Variants in TTC39B observed in about 807,000 individuals in gnomAD.
The protein encoded by TTC39B is tetratricopeptide repeat domain 39B, also known as tetratricopeptide repeat protein 39B.
A neutral mutation model predicts 96.6 loss-of-function variants in TTC39B; 92 were observed. The observed-to-expected ratio is 0.95, with a 90% CI of 0.80 to 1.13. TTC39B has a LOEUF of 1.13. TTC39B is among the 50% of genes most tolerant of loss of function. The pLI is 0.00. For synonymous variants in TTC39B, 367 were observed against 299.4 expected, an observed-to-expected ratio of 1.23 and a Z score of -2.33; for missense variants, 955 against 809.3, an observed-to-expected ratio of 1.18 and a Z score of -2.18.
intron 7 of TTC39B, 118 bp downstream of exon 7, chr9:15,203,705 T>C (rs1042931764): frequency 1.4e-6 from 1 of 732,684 alleles, no homozygotes; most frequent in African/African-American, 1.8e-5. Context: ...AACAAATATT[T>C]GCCATTACAA....
rs139146665 is a variant in TTC39B, at chr9:15,222,753, G to A, written c.371+3164C>T. 7.3e-3 allele frequency among the ~76,000 whole-genome samples: 1,110 copies of A among 152,208 alleles called. 9 individuals carry two copies. Among genetic ancestry groups the A allele is most frequent in the African/African-American group, 0.025 (1,050 of 41,520 alleles). ...GAAGTCTATGAAAGGTTTTCTCTCC[G>A]TTCCTTTAATTCTAAGGCCCTAGAC... On this transcript the variant is annotated intron_variant, in intron 3 of 19. Transcript: ENST00000512701.
At chr9:15,202,995 CT>C (rs1290658788) in intron 7 of TTC39B, among the ~76,000 whole-genome samples, 1 of 152,102 alleles carries the variant, frequency 6.6e-6, no homozygotes, top group East Asian at 1.9e-4. Context: ...AAAAACTGCT[CT>C]TCCAAAGGAA....
intron 1 of TTC39B, among the ~76,000 whole-genome samples, chr9:15,290,579 G>A (rs562974735): frequency 2.8e-4 from 42 of 152,208 alleles, no homozygotes; most frequent in Non-Finnish European, 4.8e-4. Flanking sequence ...AGAGACAAAT[G>A]CACGTTTGAC....
At chr9:15,218,989 A>G (rs373086107) in intron 3 of TTC39B, among the ~76,000 whole-genome samples, 3 of 152,208 alleles carry the variant, frequency 2.0e-5, no homozygotes, top group Non-Finnish European at 4.4e-5. Context: ...CAGGGAAATA[A>G]CTGGTGACTT....
chr9:15,198,709 T>C (rs958335693), intron 8 of TTC39B, among the ~76,000 whole-genome samples: 18 of 151,544 alleles, frequency 1.2e-4, no homozygotes, highest in Admixed American at 4.6e-4. Flanking sequence ...AGAGAACAGA[T>C]GAGGCAAAGA....
At chr9:15,284,651 T>C (rs1464444949) in intron 1 of TTC39B, among the ~76,000 whole-genome samples, 1 of 152,162 alleles carries the variant, frequency 6.6e-6, no homozygotes, top group Non-Finnish European at 1.5e-5. Context: ...GGATTTGCAT[T>C]TATTTAACAA....
intron 6 of TTC39B, 97 bp from the exon 7 acceptor site, chr9:15,203,987 G>C (rs924510452): frequency 1.0e-5 from 11 of 1,097,434 alleles, no homozygotes; most frequent in Middle Eastern, 2.9e-4. Context: ...ATGAACCCAA[G>C]AGAGACCCCA....
intron 1 of TTC39B, among the ~76,000 whole-genome samples, chr9:15,289,016 C>T (rs886276660): frequency 6.6e-6 from 1 of 152,224 alleles, no homozygotes; most frequent in Non-Finnish European, 1.5e-5. Flanking sequence ...TAATTACACG[C>T]TTTTAAAGTA....
intron 2 of TTC39B, among the ~76,000 whole-genome samples, chr9:15,232,022 T>G (rs1271943398): frequency 6.6e-6 from 1 of 151,992 alleles, no homozygotes; most frequent in East Asian, 1.9e-4. Flanking sequence ...AGCTCGTCAC[T>G]GTGATACTCA....
intron 14 of TTC39B, 150 bp from the exon 15 acceptor site, chr9:15,187,185 A>T (rs903889505): frequency 1.8e-6 from 1 of 554,166 alleles, no homozygotes; most frequent in African/African-American, 1.9e-5. Context: ...TCCCTGTTCA[A>T]AATGACAACA....
At chr9:15,168,431 A>AAAAAAC (rs1554758975) in exon 20 of TTC39B, 1 of 151,710 alleles carries the variant, frequency 6.6e-6, no homozygotes, top group Non-Finnish European at 1.5e-5. Flanking sequence ...AAAAAAAAAA[A>AAAAAAC]CAGAAATGGA....
chr9:15,221,457 CA>C (rs765504684), intron 3 of TTC39B, among the ~76,000 whole-genome samples: 3 of 152,180 alleles, frequency 2.0e-5, no homozygotes, highest in Admixed American at 6.5e-5. Flanking sequence ...GTTCTTTCGA[CA>C]AGCCCTGTCC....
intron 2 of TTC39B, among the ~76,000 whole-genome samples, chr9:15,234,686 G>C (rs1263530865): frequency 2.0e-5 from 3 of 151,954 alleles, no homozygotes; most frequent in African/African-American, 7.3e-5. Context: ...TCTGTACTAA[G>C]AAAAATTCTT....
At position 15,233,527 on chromosome 9, in the gene TTC39B, C is replaced by T. The variant is rs1216117466; in HGVS notation, c.276-7515G>A. On this transcript the variant is annotated intron_variant, in intron 2 of 19. Coordinates refer to ENST00000512701, the Ensembl canonical transcript of TTC39B. The stretch of plus-strand genomic sequence containing the variant: ...CACGCCGCCACGCCTGACTGGTTTT[C>T]GTATTTTTTTGGTGGAGACGGGGTT... Among the ~76,000 whole-genome samples the T allele has an allele frequency of 5.3e-5, 8 of 150,382 alleles. No individual in the cohort carries two copies. In the South Asian group the frequency reaches 1.5e-3, roughly 28 times the overall value.
At chr9:15,295,124 A>G (rs1824326638) in intron 1 of TTC39B, among the ~76,000 whole-genome samples, 1 of 152,216 alleles carries the variant, frequency 6.6e-6, no homozygotes, top group South Asian at 2.1e-4. Flanking sequence ...ACAATACATT[A>G]CAAACAAACT....
At chr9:15,275,365 T>C (rs1482144954) in intron 1 of TTC39B, among the ~76,000 whole-genome samples, 1 of 152,216 alleles carries the variant, frequency 6.6e-6, no homozygotes, top group Non-Finnish European at 1.5e-5. Flanking sequence ...TTGTATTGCT[T>C]TGTTTCTCTA....
At chr9:15,192,718 C>G in intron 8 of TTC39B, 23 bp from the exon 9 acceptor site, 1 of 1,547,872 alleles carries the variant, frequency 6.5e-7, no homozygotes, top group Non-Finnish European at 8.9e-7. Context: ...AAAAAAGTGA[C>G]AGCATAAGTT....
chr9:15,266,805 C>T (rs1000452651), intron 2 of TTC39B, among the ~76,000 whole-genome samples: 5 of 152,078 alleles, frequency 3.3e-5, no homozygotes, highest in African/African-American at 1.2e-4. Flanking sequence ...TCAGGCAGGG[C>T]GCAGTGGCTC....
intron 5 of TTC39B, 127 bp from the exon 6 acceptor site, chr9:15,210,291 T>C: frequency 3.2e-6 from 2 of 632,508 alleles, no homozygotes; most frequent in South Asian, 2.0e-5. Flanking sequence ...CTCTAAACCC[T>C]GAAGTCTATA....
Sources: gnomAD v4.1 joint callset for allele counts (sites outside exome capture counted in the v4.1 genomes callset) on GRCh38, gnomAD v4.1.1 for gene constraint, MANE v1.5 for transcripts, NCBI Gene and HGNC (gene_info 2026-07-23, HGNC 2026-07-21) for gene names.